Variants in FOXN1 observed in about 807,000 individuals in gnomAD.
The protein encoded by FOXN1 is forkhead box N1.
FOXN1 carries 15 observed loss-of-function variants against 49.0 expected under a neutral mutation model. That is an observed-to-expected ratio of 0.31 (90% CI 0.20 to 0.47). The LOEUF (loss-of-function observed/expected upper bound fraction) is 0.47. Among genes scored for constraint, FOXN1 ranks in the 20% least tolerant of loss-of-function variants. FOXN1 has a pLI of 1.00. For synonymous variants in FOXN1, 356 were observed against 369.0 expected, an observed-to-expected ratio of 0.96 and a Z score of 0.40; for missense variants, 800 against 842.8, an observed-to-expected ratio of 0.95 and a Z score of 0.63.
Position 28,537,423 on chromosome 17 carries a change from T to TG in FOXN1, c.1936dup (p.Ala646GlyfsTer130). ...TACCTCAGCCCCAGCTCCAAGCCCGTGGCCCTGGCATGAGCTGTGCCCAGC... is the reference window on the plus strand; with the variant it reads ...TACCTCAGCCCCAGCTCCAAGCCCGTGGGCCCTGGCATGAGCTGTGCCCAGC... On this transcript the variant is annotated frameshift_variant, in exon 9 of 9. Coordinates refer to ENST00000579795, the MANE Select transcript of FOXN1 (RefSeq NM_001369369.1). LOFTEE classifies it high-confidence loss of function. 1.2e-6 allele frequency: 2 copies of TG among 1,612,648 alleles called. No individual in the cohort carries two copies. The highest frequency in any genetic ancestry group is 1.7e-6 in the Non-Finnish European group (2 of 1,179,334).
intron 8 of FOXN1, among the ~76,000 whole-genome samples, chr17:28,536,436 T>A (rs1335581496): frequency 6.6e-6 from 1 of 152,204 alleles, no homozygotes; most frequent in Non-Finnish European, 1.5e-5. Context: ...CACAGAGGCT[T>A]GAGAACTTAC....
chr17:28,529,228 C>T lies in FOXN1; in HGVS notation c.830+4C>T. The T allele has an allele frequency of 6.2e-7, 1 of 1,614,120 alleles. No individual in the cohort carries two copies. The highest frequency in any genetic ancestry group is 8.5e-7 in the Non-Finnish European group (1 of 1,179,988). ...CAAAACCCATCTATTCCTACAGGTA[C>T]ATTTCCCACTCTCCAGGGATGGGAG... On this transcript the variant is annotated splice_donor_region_variant and intron_variant, in intron 5 of 8. Coordinates refer to ENST00000579795, the MANE Select transcript of FOXN1 (RefSeq NM_001369369.1).
At chr17:28,523,934 A>G (rs764046590) in intron 1 of FOXN1, 22 bp from the exon 2 acceptor site, 33 of 1,612,670 alleles carry the variant, frequency 2.0e-5, no homozygotes, top group Non-Finnish European at 2.5e-5. Flanking sequence ...CCTCACTCTC[A>G]TGGCAGACGG....
chr17:28,524,529 A>G lies in FOXN1; in HGVS notation c.150A>G (p.Ser50=). The G allele has an allele frequency of 6.2e-7, 1 of 1,613,598 alleles. No individual in the cohort carries two copies. Among genetic ancestry groups the G allele is most frequent in the Non-Finnish European group, 8.5e-7 (1 of 1,179,968 alleles). ...AGCATGCCGGCTTCAGCTGCTCGTC[A>G]TTTGTGTCCGACGGCCCTCCAGAGA... The part of the protein sequence containing the change: ...QSKHAGFSCS[S]FVSDGPPERT... The change falls in exon 3 of 9, where the codon TCA becomes TCG. Residue 50 remains serine (S), a synonymous_variant. Transcript: ENST00000579795.
chr17:28,536,368 G>T (rs907860340), intron 8 of FOXN1, among the ~76,000 whole-genome samples: 1 of 152,208 alleles, frequency 6.6e-6, no homozygotes, highest in Admixed American at 6.5e-5. Flanking sequence ...CTCTCTATGT[G>T]CTTTCTCATC....
chr17:28,514,343 A>G (rs1275304854), intron 1 of FOXN1, among the ~76,000 whole-genome samples: 7 of 151,890 alleles, frequency 4.6e-5, no homozygotes, highest in Non-Finnish European at 1.0e-4. Flanking sequence ...CCTGCTCTGT[A>G]CTTGAGTCAG....
intron 1 of FOXN1, among the ~76,000 whole-genome samples, chr17:28,507,390 C>G (rs2069286759): frequency 1.3e-5 from 2 of 152,220 alleles, no homozygotes; most frequent in South Asian, 4.1e-4. Context: ...CTCTCGGCAC[C>G]TACAGGCATG....
At chr17:28,531,575 A>G (rs777635035) in intron 6 of FOXN1, among the ~76,000 whole-genome samples, 2 of 152,162 alleles carry the variant, frequency 1.3e-5, no homozygotes, top group Non-Finnish European at 2.9e-5. Context: ...TTACTGGATC[A>G]AGCTATTTGG....
In FOXN1 at chr17:28,523,484, C is replaced by T. The variant is rs114866329; in HGVS notation, c.-14-472C>T. On this transcript the variant is annotated intron_variant, in intron 1 of 8. Transcript: ENST00000579795. ...CCACCCCAAGCATGAGTCTGACCCA[C>T]GCACCAGCTCACTCTCCCCTCAGGA... Among the ~76,000 whole-genome samples the T allele has an allele frequency of 2.2e-3, 341 of 152,270 alleles. 1 individual carries two copies. Among genetic ancestry groups the T allele is most frequent in the African/African-American group, 7.9e-3 (327 of 41,564 alleles).
chr17:28,523,792 TTCTCTCTCTCTC>T lies in FOXN1; in HGVS notation c.-14-135_-14-124del, dbSNP rs10527420. Reference sequence around the variant, plus strand: ...TCTCTTTCTCTCTCTCGCTCTCTGGTTCTCTCTCTCTCTCTCTCTCTCTCTCTCTCTCTCTCT... The same window carrying T: ...TCTCTTTCTCTCTCTCGCTCTCTGGTTCTCTCTCTCTCTCTCTCTCTCTCT... On this transcript the variant is annotated intron_variant, in intron 1 of 8. Coordinates refer to ENST00000579795, the MANE Select transcript of FOXN1 (RefSeq NM_001369369.1). 801 of 648,990 alleles carry T rather than the reference TTCTCTCTCTCTC, an allele frequency of 1.2e-3. 1 individual carries two copies. The highest frequency in any genetic ancestry group is 4.8e-3 in the African/African-American group (246 of 51,674). 40.2% of individuals were successfully genotyped at this position (648,990 alleles called of 1,614,324 possible).
intron 1 of FOXN1, among the ~76,000 whole-genome samples, chr17:28,508,004 C>T (rs1005252151): frequency 1.4e-4 from 22 of 152,270 alleles, no homozygotes; most frequent in Admixed American, 2.6e-4. Flanking sequence ...CATGTCCTCC[C>T]GGCTCCCCGC....
intron 1 of FOXN1, among the ~76,000 whole-genome samples, chr17:28,506,751 C>T (rs1412306642): frequency 2.0e-5 from 3 of 152,194 alleles, no homozygotes; most frequent in Non-Finnish European, 2.9e-5. Flanking sequence ...CGCTCACCCA[C>T]CCTGTGCTGG....
chr17:28,517,870 C>G (rs2069557208), intron 1 of FOXN1, among the ~76,000 whole-genome samples: 2 of 147,570 alleles, frequency 1.4e-5, no homozygotes, highest in African/African-American at 5.2e-5. Context: ...AGGATCCATA[C>G]CTCCACAGGG....
At chr17:28,530,972 C>G in intron 6 of FOXN1, 127 bp downstream of exon 6, 1 of 696,422 alleles carries the variant, frequency 1.4e-6, no homozygotes, top group South Asian at 1.5e-5. Context: ...GGCTTACCCC[C>G]ACCATGCTTT....
chr17:28,537,063 A>T (rs1396640956), intron 8 of FOXN1, 54 bp from the exon 9 acceptor site: 2 of 1,377,502 alleles, frequency 1.5e-6, no homozygotes, highest in East Asian at 4.6e-5. Flanking sequence ...GAGGGGCCAG[A>T]CAGGGCTCCT....
chr17:28,534,252 G>A lies in FOXN1; in HGVS notation c.928-79G>A. 3 of 1,608,588 alleles carry A rather than the reference G, an allele frequency of 1.9e-6. No individual in the cohort carries two copies. The South Asian group carries it at 3.3e-5, about 18-fold the overall frequency. On this transcript the variant is annotated intron_variant, in intron 6 of 8. Transcript: ENST00000579795. This position sits in a 1 kb window ranked among gnomAD's most constrained non-coding sequence, Gnocchi z 4.1. ...CTCTGTGCCCAGAGGAGAAACAGGA[G>A]TGTTCTAGAACCCAGACCTGAAGCC...
chr17:28,518,330 G>C (rs2069573343), intron 1 of FOXN1, among the ~76,000 whole-genome samples: 1 of 152,220 alleles, frequency 6.6e-6, no homozygotes, highest in Non-Finnish European at 1.5e-5. Flanking sequence ...TACAGAAAGG[G>C]GAAGTGAGTT....
rs2069725069 is a variant in FOXN1 at position 28,524,727 on chromosome 17, C to G, written c.348C>G (p.Leu116=). Reference sequence around the variant, plus strand: ...CAGCAAGCAGCCCTGGGCGATTCCTCAAGGGCAGCCACGCGCCCTTCCACC... The same window carrying G: ...CAGCAAGCAGCCCTGGGCGATTCCTGAAGGGCAGCCACGCGCCCTTCCACC... ...EAAASSPGRF[L]KGSHAPFHPY... The change falls in exon 3 of 9, where the codon CTC becomes CTG. Residue 116 remains leucine (L), a synonymous_variant. Coordinates refer to ENST00000579795, the MANE Select transcript of FOXN1 (RefSeq NM_001369369.1). The G allele has an allele frequency of 6.2e-7, 1 of 1,612,590 alleles. No homozygotes were observed. Among genetic ancestry groups the G allele is most frequent in the Non-Finnish European group, 8.5e-7 (1 of 1,179,486 alleles).
intron 1 of FOXN1, among the ~76,000 whole-genome samples, chr17:28,516,428 AG>A (rs933491274): frequency 3.3e-5 from 5 of 150,958 alleles, no homozygotes; most frequent in Admixed American, 2.0e-4. Context: ...ATGCCTCCAC[AG>A]AGTACATACC....
Sources: allele counts gnomAD v4.1 joint callset (sites outside exome capture counted in the v4.1 genomes callset), GRCh38; gene constraint gnomAD v4.1.1; non-coding constraint Gnocchi (gnomAD v3.1); transcripts MANE v1.5; gene names NCBI Gene and HGNC (gene_info 2026-07-23, HGNC 2026-07-21).